TUBA4B: variants seen among roughly 807,000 people sequenced by gnomAD.
The protein encoded by TUBA4B is tubulin-like protein alpha-4B.
TUBA4B carries 13 observed loss-of-function variants against 18.4 expected under a neutral mutation model. The observed-to-expected ratio is 0.71, with a 90% CI of 0.46 to 1.12. The LOEUF (loss-of-function observed/expected upper bound fraction) is 1.12, where lower values mean the gene tolerates loss of function less well. Among genes scored for constraint, TUBA4B ranks in the 50% most tolerant of loss-of-function variants. The pLI is 0.00. For synonymous variants in TUBA4B, 101 were observed against 99.1 expected, an observed-to-expected ratio of 1.02 and a Z score of -0.11; for missense variants, 244 against 250.0, an observed-to-expected ratio of 0.98 and a Z score of 0.16.
intron 1 of TUBA4B, chr2:219,253,868 G>A (rs377724136): frequency 6.8e-6 from 10 of 1,464,568 alleles, no homozygotes; most frequent in Non-Finnish European, 9.0e-6. Flanking sequence ...TGGTGAGTCC[G>A]GGCGGTGCGT....
At chr2:219,264,977 G>A (rs1427082358) in intron 1 of TUBA4B, among the ~76,000 whole-genome samples, 1 of 152,098 alleles carries the variant, frequency 6.6e-6, no homozygotes, top group Non-Finnish European at 1.5e-5. Flanking sequence ...ACAGAGCTGG[G>A]GACAAAACAA....
intron 2 of TUBA4B, among the ~76,000 whole-genome samples, chr2:219,269,273 A>T (rs1297010316): frequency 6.6e-6 from 1 of 152,210 alleles, no homozygotes; most frequent in African/African-American, 2.4e-5. Flanking sequence ...TCCCTCACCA[A>T]TGGCTCCTAA....
intron 1 of TUBA4B, among the ~76,000 whole-genome samples, chr2:219,263,215 G>A (rs1470645621): frequency 4.0e-5 from 6 of 150,942 alleles, no homozygotes; most frequent in Admixed American, 2.0e-4. Flanking sequence ...AGTCTTGGCC[G>A]GGCACAGTGC....
chr2:219,260,668 T>C (rs751584054), intron 1 of TUBA4B, among the ~76,000 whole-genome samples: 11 of 152,160 alleles, frequency 7.2e-5, no homozygotes, highest in Non-Finnish European at 1.5e-4. Context: ...TCCTTCCAAG[T>C]GCTTGAGTTA....
At chr2:219,262,199 A>T (rs58397119) in intron 1 of TUBA4B, among the ~76,000 whole-genome samples, 10,766 of 152,154 alleles carry the variant, frequency 0.071, 943 homozygotes, top group African/African-American at 0.2. Flanking sequence ...TAGTCCCAGC[A>T]ACTCGGGAGG....
intron 2 of TUBA4B, among the ~76,000 whole-genome samples, chr2:219,268,158 G>C (rs1359184475): frequency 6.8e-6 from 1 of 146,938 alleles, no homozygotes; most frequent in African/African-American, 2.5e-5. Context: ...GCCCTGGCTG[G>C]AGTGCAGTGA....
intron 1 of TUBA4B, among the ~76,000 whole-genome samples, chr2:219,257,983 GTT>G (rs1025891775): frequency 0.036 from 3,394 of 94,080 alleles, 47 homozygotes; most frequent in East Asian, 0.11. Flanking sequence ...CATTTTGGGT[GTT>G]TTTTTTTTTT....
At chr2:219,256,692 T>C (rs1951722396) in intron 1 of TUBA4B, among the ~76,000 whole-genome samples, 1 of 139,836 alleles carries the variant, frequency 7.2e-6, no homozygotes, top group Non-Finnish European at 1.5e-5. Context: ...AGGGTCAGAG[T>C]CAAAGAAGAG....
chr2:219,253,355 G>C lies in TUBA4B; in HGVS notation c.-53G>C, dbSNP rs926541599. On this transcript the variant is annotated 5_prime_UTR_variant, in exon 1 of 4. Coordinates refer to ENST00000490341, the MANE Select transcript of TUBA4B (RefSeq NM_001355221.1). ...GCTCAGACGCGGGGTGCTGAGTCAC[G>C]GGGGGGGGGTGGTTCTGTGGATAGT... The C allele has an allele frequency of 3.0e-6, 2 of 665,446 alleles. No individual in the cohort carries two copies. Among genetic ancestry groups the C allele is most frequent in the East Asian group, 6.0e-5 (1 of 16,756 alleles). The allele number at this position is 665,446 out of a possible 1,614,324, so 41.2% of individuals were successfully genotyped here.
intron 2 of TUBA4B, among the ~76,000 whole-genome samples, chr2:219,268,970 C>A (rs1036350397): frequency 6.6e-6 from 1 of 152,110 alleles, no homozygotes; most frequent in Non-Finnish European, 1.5e-5. Context: ...GTGGTGCATG[C>A]CTGTAGTCCC....
rs1017743167 is a variant in TUBA4B, at chr2:219,253,364, G to A, written c.-44G>A. ...CGGGGTGCTGAGTCACGGGGGGGGG[G>A]TGGTTCTGTGGATAGTTGGAATGCA... On this transcript the variant is annotated 5_prime_UTR_variant, in exon 1 of 4. It adds an upstream start codon to the 5' untranslated region. Coordinates refer to ENST00000490341, the MANE Select transcript of TUBA4B (RefSeq NM_001355221.1). 7.2e-6 allele frequency: 11 copies of A among 1,533,562 alleles called. No homozygotes were observed. In the African/African-American group the frequency reaches 1.2e-4, roughly 17 times the overall value. The allele number at this position is 1,533,562 out of a possible 1,614,324, so 95.0% of individuals were successfully genotyped here.
rs1216709615 is a variant in TUBA4B at position 219,271,913 on chromosome 2, G to A, written c.*214G>A. 9 of 1,442,232 alleles carry A rather than the reference G, an allele frequency of 6.2e-6. No homozygotes were observed. Among genetic ancestry groups the A allele is most frequent in the Non-Finnish European group, 8.8e-6 (9 of 1,023,854 alleles). The allele number at this position is 1,442,232 out of a possible 1,614,324, so 89.3% of individuals were successfully genotyped here. On this transcript the variant is annotated 3_prime_UTR_variant, in exon 4 of 4. Transcript: ENST00000490341. ...GACCTGGTAAAGTGCAACGTGCCATGTGCATGCTGAGCAACATGACAGCCA... is the reference window on the plus strand; with the variant it reads ...GACCTGGTAAAGTGCAACGTGCCATATGCATGCTGAGCAACATGACAGCCA...
chr2:219,262,470 T>C (rs956746572), intron 1 of TUBA4B, among the ~76,000 whole-genome samples: 6 of 152,326 alleles, frequency 3.9e-5, no homozygotes, highest in African/African-American at 1.4e-4. Flanking sequence ...AATGTTCTTG[T>C]TTGTTTATTG....
Position 219,271,163 on chromosome 2 carries a change from T to G in TUBA4B, c.193-3T>G, listed in dbSNP as rs576850269. The G allele has an allele frequency of 2.2e-6, 2 of 895,800 alleles. No homozygotes were observed. The highest frequency in any genetic ancestry group is 1.4e-5 in the South Asian group (1 of 73,544). The allele number at this position is 895,800 out of a possible 1,614,324, so 55.5% of individuals were successfully genotyped here. A position where few individuals can be genotyped will look rare whatever the true frequency, so the allele number is the denominator to read the frequency against. On this transcript the variant is annotated splice_polypyrimidine_tract_variant and splice_region_variant and intron_variant, in intron 3 of 3. Transcript: ENST00000490341. ...CACATTTCCCCTCCCCTTCCCTGTCTAGGCTGACCAGTGCACAGGACTTCA... is the reference window on the plus strand; with the variant it reads ...CACATTTCCCCTCCCCTTCCCTGTCGAGGCTGACCAGTGCACAGGACTTCA...
At chr2:219,267,867 G>T (rs1341126284) in intron 2 of TUBA4B, among the ~76,000 whole-genome samples, 1 of 151,944 alleles carries the variant, frequency 6.6e-6, no homozygotes. Context: ...CCGGCCAGGG[G>T]CTGAGTTCTT....
Position 219,266,509 on chromosome 2 carries a change from A to C in TUBA4B, c.13-12A>C, listed in dbSNP as rs1307499321. On this transcript the variant is annotated splice_polypyrimidine_tract_variant and intron_variant, in intron 1 of 3. Transcript: ENST00000490341. ...GCCTCTCACAGATCTATCCCTGCTC[A>C]CTATCCTGCAGCAGACAGAGAGACA... The C allele has an allele frequency of 1.4e-6, 1 of 702,900 alleles. No homozygotes were observed. The highest frequency in any genetic ancestry group is 1.7e-5 in the African/African-American group (1 of 57,372). The allele number at this position is 702,900 out of a possible 1,614,324, so 43.5% of individuals were successfully genotyped here.
chr2:219,260,407 C>G (rs1358896871), intron 1 of TUBA4B, among the ~76,000 whole-genome samples: 1 of 152,022 alleles, frequency 6.6e-6, no homozygotes, highest in Non-Finnish European at 1.5e-5. Flanking sequence ...CATTCCCATA[C>G]AATAGTGAAG....
At chr2:219,253,509 C>T (rs2125071505) in intron 1 of TUBA4B, 90 bp downstream of exon 1, 2 of 1,120,404 alleles carry the variant, frequency 1.8e-6, no homozygotes, top group East Asian at 2.6e-5. Context: ...GGCAGCCAAA[C>T]CCGTCTTCTT....
At position 219,271,147 on chromosome 2, in the gene TUBA4B, C is replaced by T. The variant is rs755976556; in HGVS notation, c.193-19C>T. On this transcript the variant is annotated intron_variant, in intron 3 of 3. Coordinates refer to ENST00000490341, the MANE Select transcript of TUBA4B (RefSeq NM_001355221.1). ...GCTGTGCTCCATGCCCCACATTTCCCCTCCCCTTCCCTGTCTAGGCTGACC... is the reference window on the plus strand; with the variant it reads ...GCTGTGCTCCATGCCCCACATTTCCTCTCCCCTTCCCTGTCTAGGCTGACC... 10 of 790,600 alleles carry T rather than the reference C, an allele frequency of 1.3e-5. No individual in the cohort carries two copies. In the South Asian group the frequency reaches 1.3e-4, roughly 11 times the overall value. The allele number at this position is 790,600 out of a possible 1,614,324, so 49.0% of individuals were successfully genotyped here. A position where few individuals can be genotyped will look rare whatever the true frequency, so the allele number is the denominator to read the frequency against.
Sources: allele counts gnomAD v4.1 joint callset (sites outside exome capture counted in the v4.1 genomes callset), GRCh38; gene constraint gnomAD v4.1.1; transcripts MANE v1.5; gene names NCBI Gene and HGNC (gene_info 2026-07-23, HGNC 2026-07-21).